PPP1R26: variants seen among roughly 807,000 people sequenced by gnomAD.
PPP1R26 encodes 1A6/DRIM (down-regulated in metastasis) interacting protein.
PPP1R26 carries 22 observed loss-of-function variants against 67.6 expected under a neutral mutation model. The ratio of observed to expected loss-of-function variants is 0.33; its 90% CI spans 0.23 to 0.46. The LOEUF is 0.46. PPP1R26 is among the 20% of genes least tolerant of loss of function. The pLI, the probability that PPP1R26 is intolerant of heterozygous loss-of-function variation, is 1.00. For synonymous variants in PPP1R26, 729 were observed against 717.2 expected, an observed-to-expected ratio of 1.02 and a Z score of -0.26; for missense variants, 1,602 against 1,651.4, an observed-to-expected ratio of 0.97 and a Z score of 0.52.
rs1051554779 is a variant in PPP1R26, at chr9:135,482,720, G to C, written c.-291G>C. On this transcript the variant is annotated 5_prime_UTR_variant, in exon 2 of 4. Coordinates refer to ENST00000356818, the MANE Select transcript of PPP1R26 (RefSeq NM_014811.5). ...TGAAAAAGCAGAGAGAGAATGCCTC[G>C]GTGTGTAAGTGGAGTGATGAGGACC... The C allele has an allele frequency of 1.0e-5, 4 of 398,404 alleles. No homozygotes were observed. The highest frequency in any genetic ancestry group is 8.2e-5 in the African/African-American group (4 of 48,578). The allele number at this position is 398,404 out of a possible 1,614,324, so 24.7% of individuals were successfully genotyped here. A position where few individuals can be genotyped will look rare whatever the true frequency, so the allele number is the denominator to read the frequency against.
rs116980218 is a variant in PPP1R26 at position 135,485,434 on chromosome 9, G to A, written c.924G>A (p.Lys308=). The A allele has an allele frequency of 8.9e-3, 14,375 of 1,612,954 alleles. 82 individuals carry two copies. Among genetic ancestry groups the A allele is most frequent in the Non-Finnish European group, 0.011 (12,724 of 1,179,940 alleles). The change falls in exon 4 of 4, where the codon AAG becomes AAA. Residue 308 remains lysine, a synonymous_variant. Transcript: ENST00000356818. The surrounding 1 kb of genome is among the most constrained non-coding windows in gnomAD (Gnocchi z 7.2). ...MNVQPRSLRS[K]VTTTQENEGS... is the part of the protein sequence containing the mutation. Reference sequence around the variant, plus strand: ...TCCAGCCCAGAAGCCTCAGGTCCAAGGTCACAACCACGCAGGAGAACGAGG... The same window carrying A: ...TCCAGCCCAGAAGCCTCAGGTCCAAAGTCACAACCACGCAGGAGAACGAGG...
In PPP1R26 at chr9:135,486,513, C is replaced by G; in HGVS notation, c.2003C>G (p.Thr668Arg). Residue 668 changes from threonine to arginine, a missense_variant, in exon 4 of 4, where the codon ACA becomes AGA. Coordinates refer to ENST00000356818, the MANE Select transcript of PPP1R26 (RefSeq NM_014811.5). This position sits in a 1 kb window ranked among gnomAD's most constrained non-coding sequence, Gnocchi z 6.2. ...CGCATGTCACAGGGCCAGGGTAAGA[C>G]AGACGAGGCAAGGCGCCTAGACGAG... is the stretch of plus-strand genomic sequence containing the variant. ...DTRMSQGQGK[T>R]DEARRLDEKE... 1.2e-6 allele frequency: 2 copies of G among 1,612,812 alleles called. No homozygotes were observed. The highest frequency in any genetic ancestry group is 8.5e-7 in the Non-Finnish European group (1 of 1,179,954).
At position 135,487,993 on chromosome 9, in the gene PPP1R26, G is replaced by C. The variant is rs149647500; in HGVS notation, c.3483G>C (p.Ser1161=). The change falls in exon 4 of 4, where the codon TCG becomes TCC. Residue 1161 remains serine, a synonymous_variant. Coordinates refer to ENST00000356818, the MANE Select transcript of PPP1R26 (RefSeq NM_014811.5). ...TGAGTTTGCATGACAGGAGGAGCTC[G>C]GGCTCGGAGGAAAGCATTTTAGACC... ...AGLSLHDRRS[S]GSEESILDLR... The C allele has an allele frequency of 6.2e-7, 1 of 1,610,642 alleles. No individual in the cohort carries two copies. Among genetic ancestry groups the C allele is most frequent in the Non-Finnish European group, 8.5e-7 (1 of 1,178,696 alleles).
rs543021628 is a variant in PPP1R26 at position 135,487,614 on chromosome 9, G to A, written c.3104G>A (p.Arg1035Gln). The part of the protein sequence containing the change: ...PPWSDFAHQS[R>Q]LPSPWVLRSE... ...TGGAGCGACTTCGCCCACCAGAGTC[G>A]GCTGCCCAGCCCGTGGGTGCTGCGC... is the stretch of plus-strand genomic sequence containing the variant. The change falls in exon 4 of 4, where the codon CGG (arginine) becomes CAG (glutamine). Residue 1035 changes from arginine (R) to glutamine (Q), a missense_variant. Transcript: ENST00000356818. 29 of 1,487,090 alleles carry A rather than the reference G, an allele frequency of 2.0e-5. No homozygotes were observed. The highest frequency in any genetic ancestry group is 1.1e-4 in the South Asian group (8 of 74,074). The allele number at this position is 1,487,090 out of a possible 1,614,324, so 92.1% of individuals were successfully genotyped here.
In PPP1R26 at chr9:135,487,851, C is replaced by G. The variant is rs1588356613; in HGVS notation, c.3341C>G (p.Pro1114Arg). 6.3e-7 allele frequency: 1 copy of G among 1,594,202 alleles called. No homozygotes were observed. The highest frequency in any genetic ancestry group is 2.2e-5 in the East Asian group (1 of 44,658). Residue 1114 changes from proline (P) to arginine (R), a missense_variant, in exon 4 of 4, where the codon CCC becomes CGC. Coordinates refer to ENST00000356818, the MANE Select transcript of PPP1R26 (RefSeq NM_014811.5). ...CACCTGGGGCTGCCTCTGCAGGGCC[C>G]CTCCTTCTCGGCCTTCAGGGAGGCC... ...SPHLGLPLQG[P>R]SFSAFREAQA...
chr9:135,480,129 G>A (rs940693966), intron 1 of PPP1R26, 107 bp downstream of exon 1: 1 of 150,216 alleles, frequency 6.7e-6, no homozygotes, highest in African/African-American at 2.4e-5. Context: ...GCAGGCCGCG[G>A]CGGGCGGGCG....
At position 135,488,235 on chromosome 9, in the gene PPP1R26, G is replaced by A; in HGVS notation, c.*95G>A. ...GTGATGGTTCCGTGGCTGCAAGGAA[G>A]GGAAACAGTCTATTATACATAGCCC... is the stretch of plus-strand genomic sequence containing the variant. On this transcript the variant is annotated 3_prime_UTR_variant, in exon 4 of 4. Coordinates refer to ENST00000356818, the MANE Select transcript of PPP1R26 (RefSeq NM_014811.5). 1 of 1,433,830 alleles carries A rather than the reference G, an allele frequency of 7.0e-7. No homozygotes were observed. Among genetic ancestry groups the A allele is most frequent in the Non-Finnish European group, 9.1e-7 (1 of 1,093,244 alleles). 88.8% of individuals were successfully genotyped at this position (1,433,830 alleles called of 1,614,324 possible). A position where few individuals can be genotyped will look rare whatever the true frequency, so the allele number is the denominator to read the frequency against.
chr9:135,481,705 G>T (rs1830526152), intron 1 of PPP1R26, among the ~76,000 whole-genome samples: 1 of 151,720 alleles, frequency 6.6e-6, no homozygotes, highest in Admixed American at 6.6e-5. Context: ...TGCAACCTCT[G>T]CCTCCTGGGT....
At position 135,485,230 on chromosome 9, in the gene PPP1R26, T is replaced by C. The variant is rs1483855779; in HGVS notation, c.720T>C (p.His240=). The change falls in exon 4 of 4, where the codon CAT becomes CAC. Residue 240 remains histidine, a synonymous_variant. Transcript: ENST00000356818. This position sits in a 1 kb window ranked among gnomAD's most constrained non-coding sequence, Gnocchi z 7.2. ...AGTTTCTGAATGAGAAGAGACAGCA[T>C]GAGACCCAAAAATGTGATGGGTCAG... ...IEQFLNEKRQ[H]ETQKCDGSVE... is the part of the protein sequence containing the mutation. 8 of 1,612,690 alleles carry C rather than the reference T, an allele frequency of 5.0e-6. No individual in the cohort carries two copies. The highest frequency in any genetic ancestry group is 6.8e-6 in the Non-Finnish European group (8 of 1,179,890).
At position 135,479,859 on chromosome 9, in the gene PPP1R26, G is replaced by C. The variant is rs1450877750; in HGVS notation, c.-492G>C. On this transcript the variant is annotated 5_prime_UTR_variant, in exon 1 of 4. Transcript: ENST00000356818. The surrounding 1 kb of genome is among the most constrained non-coding windows in gnomAD (Gnocchi z 5.9). The stretch of plus-strand genomic sequence containing the variant: ...GGCGCGCGGGGAGGCGGGGAGGCGG[G>C]GGGCCCGGCCGGACGCCCCTGCGCC... 1.4e-5 allele frequency: 2 copies of C among 144,148 alleles called. No individual in the cohort carries two copies. Among genetic ancestry groups the C allele is most frequent in the African/African-American group, 5.0e-5 (2 of 40,340 alleles). The allele number at this position is 144,148 out of a possible 1,614,324, so 8.9% of individuals were successfully genotyped here.
rs767675756 is a variant in PPP1R26 at position 135,482,767 on chromosome 9, A to G, written c.-244A>G. 9 of 398,432 alleles carry G rather than the reference A, an allele frequency of 2.3e-5. No homozygotes were observed. Among genetic ancestry groups the G allele is most frequent in the Non-Finnish European group, 3.5e-5 (8 of 226,074 alleles). 24.7% of individuals were successfully genotyped at this position (398,432 alleles called of 1,614,324 possible). ...GACCTGATCTCTGGGCCGTGTGGGAACACTGGCTGCCATTTCATCACAGTC... is the reference window on the plus strand; with the variant it reads ...GACCTGATCTCTGGGCCGTGTGGGAGCACTGGCTGCCATTTCATCACAGTC... On this transcript the variant is annotated 5_prime_UTR_variant, in exon 2 of 4. Coordinates refer to ENST00000356818, the MANE Select transcript of PPP1R26 (RefSeq NM_014811.5).
At position 135,484,625 on chromosome 9, in the gene PPP1R26, G is replaced by A. The variant is rs527406827; in HGVS notation, c.115G>A (p.Glu39Lys). ...RCFSEADEGV[E>K]SASVSARVQM... ...CTTCTCGGAGGCTGACGAGGGCGTGGAGAGCGCGTCGGTGAGCGCCCGGGT... is the reference window on the plus strand; with the variant it reads ...CTTCTCGGAGGCTGACGAGGGCGTGAAGAGCGCGTCGGTGAGCGCCCGGGT... The change falls in exon 4 of 4, where the codon GAG becomes AAG. Residue 39 changes from glutamate to lysine, a missense_variant. Glu to Lys is a moderately conservative substitution (Grantham distance 56, BLOSUM62 1). Coordinates refer to ENST00000356818, the MANE Select transcript of PPP1R26 (RefSeq NM_014811.5). The A allele has an allele frequency of 2.5e-6, 4 of 1,611,942 alleles. No individual in the cohort carries two copies. Among genetic ancestry groups the A allele is most frequent in the African/African-American group, 1.3e-5 (1 of 75,072 alleles).
chr9:135,487,066 A>G lies in PPP1R26; in HGVS notation c.2556A>G (p.Ser852=), dbSNP rs531451054. ...RKFLAEKAKE[S]VSSSEVQAEG... ...TTTTGGCGGAAAAGGCCAAGGAGTCAGTGAGCAGTTCAGAAGTTCAGGCAG... is the reference window on the plus strand; with the variant it reads ...TTTTGGCGGAAAAGGCCAAGGAGTCGGTGAGCAGTTCAGAAGTTCAGGCAG... The change falls in exon 4 of 4, where the codon TCA becomes TCG. Residue 852 remains serine, a synonymous_variant. Transcript: ENST00000356818. 3.2e-4 allele frequency: 518 copies of G among 1,611,418 alleles called. 6 individuals carry two copies. The South Asian group carries it at 5.3e-3, about 17-fold the overall frequency.
At position 135,488,273 on chromosome 9, in the gene PPP1R26, C is replaced by T; in HGVS notation, c.*133C>T. ...TTATACATAGCCCTGTATATATGTACACCAACATGAAACTTTTATTTAACA... is the reference window on the plus strand; with the variant it reads ...TTATACATAGCCCTGTATATATGTATACCAACATGAAACTTTTATTTAACA... On this transcript the variant is annotated 3_prime_UTR_variant, in exon 4 of 4. Coordinates refer to ENST00000356818, the MANE Select transcript of PPP1R26 (RefSeq NM_014811.5). The T allele has an allele frequency of 4.0e-6, 5 of 1,238,082 alleles. No individual in the cohort carries two copies. The highest frequency in any genetic ancestry group is 5.1e-6 in the Non-Finnish European group (5 of 974,406). 76.7% of individuals were successfully genotyped at this position (1,238,082 alleles called of 1,614,324 possible). A position where few individuals can be genotyped will look rare whatever the true frequency, so the allele number is the denominator to read the frequency against.
At chr9:135,479,703 C>A (rs1830439131), upstream of PPP1R26, 1 of 145,184 alleles carries the variant, frequency 6.9e-6, no homozygotes, top group African/African-American at 2.5e-5. The surrounding 1 kb of genome is among the most constrained non-coding windows in gnomAD (Gnocchi z 5.9). Flanking sequence ...TTCCGGAGTG[C>A]GGCCGCCGCC....
rs771015690 is a variant in PPP1R26 at position 135,486,194 on chromosome 9, G to T, written c.1684G>T (p.Ala562Ser). 1 of 1,612,992 alleles carries T rather than the reference G, an allele frequency of 6.2e-7. No individual in the cohort carries two copies. Among genetic ancestry groups the T allele is most frequent in the South Asian group, 1.1e-5 (1 of 91,090 alleles). ...LARGESCPQAAQGPLLPPGLN... is the reference protein window; with the variant it reads ...LARGESCPQASQGPLLPPGLN... ...CAGAGGTGAGAGCTGCCCGCAGGCT[G>T]CCCAGGGTCCACTTTTGCCGCCTGG... The change falls in exon 4 of 4, where the codon GCC (alanine) becomes TCC (serine). Residue 562 changes from alanine (A) to serine (S), a missense_variant. Physicochemically the swap from Ala to Ser is moderately conservative, Grantham distance 99 (BLOSUM62 1). Coordinates refer to ENST00000356818, the MANE Select transcript of PPP1R26 (RefSeq NM_014811.5). The surrounding 1 kb of genome is among the most constrained non-coding windows in gnomAD (Gnocchi z 6.2).
chr9:135,485,382 A>T lies in PPP1R26; in HGVS notation c.872A>T (p.Lys291Ile). ...GTCCAGAAGGAGTTTGCCTTCCGCA[A>T]ACCTCCCCGGTTAGCGAAGATGAAC... ...LGVQKEFAFR[K>I]PPRLAKMNVQ... is the part of the protein sequence containing the mutation. The change falls in exon 4 of 4, where the codon AAA becomes ATA. Residue 291 changes from lysine (K) to isoleucine (I), a missense_variant. Transcript: ENST00000356818. This position sits in a 1 kb window ranked among gnomAD's most constrained non-coding sequence, Gnocchi z 7.2. The T allele has an allele frequency of 1.2e-6, 2 of 1,612,904 alleles. No individual in the cohort carries two copies. The highest frequency in any genetic ancestry group is 1.7e-6 in the Non-Finnish European group (2 of 1,179,998).
Position 135,485,110 on chromosome 9 carries a change from C to G in PPP1R26, c.600C>G (p.Ser200Arg). 6.2e-7 allele frequency: 1 copy of G among 1,612,694 alleles called. No homozygotes were observed. The highest frequency in any genetic ancestry group is 8.5e-7 in the Non-Finnish European group (1 of 1,179,788). ...CTGGATCAGGTGGTGGCCCCGGCAG[C>G]CAGGTGGGATCCAGCAAGGACCAGG... Reference protein sequence around the residue: ...LVPGSGGGPGSQVGSSKDQGS... With the variant: ...LVPGSGGGPGRQVGSSKDQGS... The change falls in exon 4 of 4, where the codon AGC becomes AGG. Residue 200 changes from serine to arginine, a missense_variant. Transcript: ENST00000356818. The surrounding 1 kb of genome is among the most constrained non-coding windows in gnomAD (Gnocchi z 7.2).
rs749321066 is a variant in PPP1R26, at chr9:135,487,574, G to A, written c.3064G>A (p.Asp1022Asn). ...GGAGAGGGACGCTGGAGCCCAGGCC[G>A]ACCGCACACCGCCCTGGAGCGACTT... ...GAERDAGAQA[D>N]RTPPWSDFAH... is the part of the protein sequence containing the mutation. Residue 1022 changes from aspartate to asparagine, a missense_variant, in exon 4 of 4, where the codon GAC becomes AAC. Physicochemically the swap from Asp to Asn is conservative, Grantham distance 23 (BLOSUM62 1). This residue lies in a region of PPP1R26 where 740 missense variants were observed against 696.3 expected (regional missense o/e 1.06). Transcript: ENST00000356818. 47 of 1,540,028 alleles carry A rather than the reference G, an allele frequency of 3.1e-5. No homozygotes were observed. The highest frequency in any genetic ancestry group is 3.4e-5 in the Non-Finnish European group (39 of 1,144,840).
Sources: allele counts gnomAD v4.1 joint callset (sites outside exome capture counted in the v4.1 genomes callset), GRCh38; gene constraint gnomAD v4.1.1; regional missense constraint gnomAD v4.1.1; non-coding constraint Gnocchi (gnomAD v3.1); transcripts MANE v1.5; gene names NCBI Gene and HGNC (gene_info 2026-07-23, HGNC 2026-07-21).